Variants in MBOAT2 observed in about 807,000 individuals in gnomAD.
MBOAT2 encodes membrane-bound glycerophospholipid O-acyltransferase 2.
MBOAT2 carries 28 observed loss-of-function variants against 63.4 expected under a neutral mutation model. The ratio of observed to expected loss-of-function variants is 0.44; its 90% CI spans 0.33 to 0.61. MBOAT2 has a LOEUF of 0.61. Ranked by LOEUF, MBOAT2 falls within the 20% of genes least tolerant of loss-of-function variation. The pLI is 0.03. For missense variants in MBOAT2, 470 were observed against 605.8 expected, an observed-to-expected ratio of 0.78 and a Z score of 2.35; for synonymous variants, 211 against 215.6, an observed-to-expected ratio of 0.98 and a Z score of 0.19.
intron 1 of MBOAT2, among the ~76,000 whole-genome samples, chr2:8,999,920 A>G (rs1330031998): frequency 2.0e-5 from 3 of 152,256 alleles, no homozygotes; most frequent in Non-Finnish European, 4.4e-5. Flanking sequence ...AATTCTCAGT[A>G]AAAATTAAGC....
At chr2:8,901,754 T>C (rs1183861640) in intron 4 of MBOAT2, among the ~76,000 whole-genome samples, 1 of 152,150 alleles carries the variant, frequency 6.6e-6, no homozygotes, top group East Asian at 1.9e-4. Flanking sequence ...GTCTTTCTGA[T>C]TGGTGAGCCC....
intron 2 of MBOAT2, among the ~76,000 whole-genome samples, chr2:8,944,556 A>AT (rs1433340708): frequency 6.6e-6 from 1 of 152,118 alleles, no homozygotes; most frequent in Non-Finnish European, 1.5e-5. Flanking sequence ...TTCCATAGAA[A>AT]TATTATAAAC....
At chr2:8,889,293 G>C (rs1439864473) in intron 4 of MBOAT2, among the ~76,000 whole-genome samples, 1 of 152,210 alleles carries the variant, frequency 6.6e-6, no homozygotes, top group African/African-American at 2.4e-5. Flanking sequence ...GGCAGCAAGG[G>C]TTTGCTTTAA....
At chr2:8,955,389 A>C (rs1419258552) in intron 2 of MBOAT2, among the ~76,000 whole-genome samples, 3 of 152,112 alleles carry the variant, frequency 2.0e-5, no homozygotes, top group Non-Finnish European at 4.4e-5. Context: ...AGTCATAGAG[A>C]AGGTCTCCCT....
intron 2 of MBOAT2, among the ~76,000 whole-genome samples, chr2:8,946,802 A>G (rs1330418290): frequency 6.6e-6 from 1 of 152,202 alleles, no homozygotes. Context: ...ACTGACCGGC[A>G]GTCTCTGTCT....
intron 3 of MBOAT2, among the ~76,000 whole-genome samples, chr2:8,930,897 G>A (rs537426147): frequency 3.3e-5 from 5 of 152,048 alleles, no homozygotes; most frequent in African/African-American, 7.2e-5. Context: ...CTACCTGCTC[G>A]GGACCCCTTC....
rs1661218977 is a variant in MBOAT2 at position 8,857,994 on chromosome 2, A to C, written c.*685T>G. 1 of 152,664 alleles carries C rather than the reference A, an allele frequency of 6.6e-6. No individual in the cohort carries two copies. Among genetic ancestry groups the C allele is most frequent in the Non-Finnish European group, 1.5e-5 (1 of 68,036 alleles). The allele number at this position is 152,664 out of a possible 1,614,324, so 9.5% of individuals were successfully genotyped here. Reference sequence around the variant, plus strand: ...TTATGTTTTAAGAGATTCCTTCTGGAAGCGCTCTTTGACTGCACAAGGTAA... The same window carrying C: ...TTATGTTTTAAGAGATTCCTTCTGGCAGCGCTCTTTGACTGCACAAGGTAA... On this transcript the variant is annotated 3_prime_UTR_variant, in exon 13 of 13. Coordinates refer to ENST00000305997, the MANE Select transcript of MBOAT2 (RefSeq NM_138799.4).
intron 1 of MBOAT2, among the ~76,000 whole-genome samples, chr2:8,964,267 C>T (rs968960450): frequency 1.3e-5 from 2 of 152,166 alleles, no homozygotes; most frequent in Non-Finnish European, 2.9e-5. Flanking sequence ...TATTGTATTG[C>T]TTTGAATATT....
At chr2:8,891,094 G>A (rs897835515) in intron 4 of MBOAT2, among the ~76,000 whole-genome samples, 4 of 152,234 alleles carry the variant, frequency 2.6e-5, no homozygotes, top group Admixed American at 2.0e-4. Flanking sequence ...TTATAGAAAT[G>A]CTTCATCATA....
At chr2:8,905,166 A>G (rs1023420976) in intron 4 of MBOAT2, among the ~76,000 whole-genome samples, 1 of 152,084 alleles carries the variant, frequency 6.6e-6, no homozygotes, top group Admixed American at 6.5e-5. Flanking sequence ...TCACTATCCA[A>G]TCCACCTTAT....
At chr2:8,911,435 T>C (rs1423643490) in intron 3 of MBOAT2, among the ~76,000 whole-genome samples, 2 of 152,182 alleles carry the variant, frequency 1.3e-5, no homozygotes, top group African/African-American at 4.8e-5. Flanking sequence ...GTTGCACATG[T>C]CTAACTCTTT....
intron 9 of MBOAT2, among the ~76,000 whole-genome samples, chr2:8,865,725 T>A (rs1479706476): frequency 1.3e-5 from 2 of 152,208 alleles, no homozygotes; most frequent in Non-Finnish European, 1.5e-5. Context: ...ATCCCTCTCC[T>A]GAAACGGTTG....
At chr2:8,975,488 A>C (rs1329413628) in intron 1 of MBOAT2, among the ~76,000 whole-genome samples, 1 of 152,002 alleles carries the variant, frequency 6.6e-6, no homozygotes, top group Non-Finnish European at 1.5e-5. Flanking sequence ...CATTCACTGA[A>C]AGGAAAATGG....
At chr2:8,887,905 T>C in intron 5 of MBOAT2, 113 bp downstream of exon 5, 2 of 952,826 alleles carry the variant, frequency 2.1e-6, no homozygotes, top group South Asian at 2.7e-5. Context: ...TTTCCCTATC[T>C]TACCTCCCTC....
intron 5 of MBOAT2, among the ~76,000 whole-genome samples, chr2:8,887,323 G>T (rs1385176850): frequency 1.3e-5 from 2 of 151,194 alleles, no homozygotes; most frequent in Non-Finnish European, 2.9e-5. Context: ...GAGGGGACAA[G>T]AGGAAAAATT....
At chr2:8,912,327 GA>G (rs759803850) in intron 3 of MBOAT2, among the ~76,000 whole-genome samples, 8 of 91,110 alleles carry the variant, frequency 8.8e-5, no homozygotes, top group Non-Finnish European at 1.3e-4. Flanking sequence ...AAGAAAGAAA[GA>G]AAGAAAGAAA....
chr2:8,856,480 C>T lies in MBOAT2; in HGVS notation c.*2199G>A, dbSNP rs1374643686. 2 of 152,224 alleles carry T rather than the reference C, an allele frequency of 1.3e-5. No homozygotes were observed. Among genetic ancestry groups the T allele is most frequent in the Non-Finnish European group, 2.9e-5 (2 of 68,010 alleles). The allele number at this position is 152,224 out of a possible 1,614,324, so 9.4% of individuals were successfully genotyped here. A position where few individuals can be genotyped will look rare whatever the true frequency, so the allele number is the denominator to read the frequency against. On this transcript the variant is annotated 3_prime_UTR_variant, in exon 13 of 13. Coordinates refer to ENST00000305997, the MANE Select transcript of MBOAT2 (RefSeq NM_138799.4). This position sits in a 1 kb window ranked among gnomAD's most constrained non-coding sequence, Gnocchi z 4.2. ...TGCAACATTAATGAAAATGATCAAA[C>T]ATTTTACAGGGCAGGTACATTCCAT...
intron 4 of MBOAT2, among the ~76,000 whole-genome samples, chr2:8,903,815 C>CAG (rs1665137331): frequency 6.6e-6 from 1 of 152,182 alleles, no homozygotes; most frequent in South Asian, 2.1e-4. Context: ...TCCTGCTTTA[C>CAG]AGACGGCAGT....
intron 1 of MBOAT2, among the ~76,000 whole-genome samples, chr2:8,978,984 C>T (rs927391715): frequency 5.3e-5 from 8 of 152,010 alleles, no homozygotes; most frequent in Non-Finnish European, 8.8e-5. Flanking sequence ...AACATCAGCA[C>T]ACTACCTATC....
Sources: allele counts gnomAD v4.1 joint callset (sites outside exome capture counted in the v4.1 genomes callset), GRCh38; gene constraint gnomAD v4.1.1; non-coding constraint Gnocchi (gnomAD v3.1); transcripts MANE v1.5; gene names NCBI Gene and HGNC (gene_info 2026-07-23, HGNC 2026-07-21).